The following SFRP1 variants were observed in gnomAD, a reference collection of about 807,000 sequenced individuals.
SFRP1 encodes secreted frizzled related protein 1.
SFRP1 carries 9 observed loss-of-function variants against 25.9 expected under a neutral mutation model. That is an observed-to-expected ratio of 0.35 (90% CI 0.21 to 0.61). The LOEUF (loss-of-function observed/expected upper bound fraction) is 0.61. Among genes scored for constraint, SFRP1 ranks in the 20% least tolerant of loss-of-function variants. SFRP1 has a pLI of 0.78. For missense variants in SFRP1, 346 were observed against 418.2 expected (o/e 0.83, Z 1.51); for synonymous variants, 178 against 174.0 (o/e 1.02, Z -0.18).
At position 41,309,429 on chromosome 8, in the gene SFRP1, C is replaced by T; in HGVS notation, c.-270G>A. 1 of 162,210 alleles carries T rather than the reference C, an allele frequency of 6.2e-6. No homozygotes were observed. The allele number at this position is 162,210 out of a possible 1,614,324, so 10.0% of individuals were successfully genotyped here. On this transcript the variant is annotated 5_prime_UTR_variant, in exon 1 of 3. Transcript: ENST00000220772. ...CGGCGAGCAGGAAGGCGCGGGGCGG[C>T]GGGCGCGCGGCACTGACTCCGGAGG...
At chr8:41,284,715 G>T (rs551503773) in intron 2 of SFRP1, among the ~76,000 whole-genome samples, 159 of 152,326 alleles carry the variant, frequency 1.0e-3, no homozygotes, top group Middle Eastern at 3.4e-3. Flanking sequence ...TAGGGGGAGG[G>T]GTCTCCCCTG....
intron 1 of SFRP1, chr8:41,306,685 T>G: frequency 8.8e-6 from 14 of 1,590,218 alleles, no homozygotes; most frequent in Non-Finnish European, 1.2e-5. Context: ...CACTTTTCTC[T>G]TTGCTCCTCA....
chr8:41,292,515 A>G (rs1803790663), intron 2 of SFRP1, among the ~76,000 whole-genome samples: 1 of 152,184 alleles, frequency 6.6e-6, no homozygotes, highest in African/African-American at 2.4e-5. Context: ...AGATCTCCCC[A>G]GCCATGTGGA....
intron 2 of SFRP1, among the ~76,000 whole-genome samples, chr8:41,277,569 C>T (rs1053515708): frequency 4.6e-5 from 7 of 152,182 alleles, no homozygotes; most frequent in African/African-American, 1.2e-4. Context: ...GGGCTCCACC[C>T]CTGGAGCTTC....
At chr8:41,266,500 A>G (rs1803437268) in intron 2 of SFRP1, among the ~76,000 whole-genome samples, 1 of 151,780 alleles carries the variant, frequency 6.6e-6, no homozygotes, top group Non-Finnish European at 1.5e-5. Context: ...CAGTGTCTCG[A>G]TCTCGGCTCA....
At chr8:41,290,128 C>A (rs1328834576) in intron 2 of SFRP1, among the ~76,000 whole-genome samples, 1 of 152,254 alleles carries the variant, frequency 6.6e-6, no homozygotes, top group Non-Finnish European at 1.5e-5. Context: ...CTGACCCATA[C>A]ACAGGCAAAC....
Position 41,265,120 on chromosome 8 carries a change from G to GCC in SFRP1, c.*46_*47insGG. ...GGGTTCCCGGGGCACTGTCCCCCCC[G>GCC]CTCCCACCCCACCCGAGGCTCCCTC... On this transcript the variant is annotated 3_prime_UTR_variant, in exon 3 of 3. Coordinates refer to ENST00000220772, the MANE Select transcript of SFRP1 (RefSeq NM_003012.5). 66 of 160,638 alleles carry GCC rather than the reference G, an allele frequency of 4.1e-4. 1 individual carries two copies. The highest frequency in any genetic ancestry group is 2.4e-3 in the South Asian group (15 of 6,282). The allele number at this position is 160,638 out of a possible 1,614,324, so 10.0% of individuals were successfully genotyped here.
At chr8:41,304,240 T>C (rs7829419) in intron 1 of SFRP1, among the ~76,000 whole-genome samples, 51,146 of 151,808 alleles carry the variant, frequency 0.34, 8,734 homozygotes, top group African/African-American at 0.36. Flanking sequence ...GTGCATAACG[T>C]TGGAAGGCAG....
chr8:41,265,889 C>A (rs982443194), intron 2 of SFRP1, among the ~76,000 whole-genome samples: 2 of 152,114 alleles, frequency 1.3e-5, no homozygotes, highest in African/African-American at 4.8e-5. Context: ...GCAGTTTTAT[C>A]CATAAAAACC....
At chr8:41,278,008 G>A (rs1471714997) in intron 2 of SFRP1, among the ~76,000 whole-genome samples, 2 of 152,186 alleles carry the variant, frequency 1.3e-5, no homozygotes, top group African/African-American at 4.8e-5. Flanking sequence ...TGAGGGTTGG[G>A]ACAGGGTGGG....
chr8:41,308,937 T>G lies in SFRP1; in HGVS notation c.223A>C (p.Lys75Gln), dbSNP rs1804033716. 2 of 1,613,332 alleles carry G rather than the reference T, an allele frequency of 1.2e-6. No individual in the cohort carries two copies. The highest frequency in any genetic ancestry group is 2.7e-5 in the African/African-American group (2 of 74,944). The part of the protein sequence containing the change: ...LRLCHNVGYK[K>Q]MVLPNLLEHE... ...TCCAGCAGGTTGGGCAGCACCATCT[T>G]CTTGTAGCCCACGTTGTGGCACAGC... Residue 75 changes from lysine to glutamine, a missense_variant, in exon 1 of 3, where the codon AAG (lysine) becomes CAG (glutamine). Coordinates refer to ENST00000220772, the MANE Select transcript of SFRP1 (RefSeq NM_003012.5).
At chr8:41,302,180 T>C (rs530002020) in intron 2 of SFRP1, among the ~76,000 whole-genome samples, 1 of 152,334 alleles carries the variant, frequency 6.6e-6, no homozygotes, top group East Asian at 1.9e-4. Flanking sequence ...AACAGACAAG[T>C]AACTCACACT....
chr8:41,296,156 C>T (rs2117511240), intron 2 of SFRP1, among the ~76,000 whole-genome samples: 1 of 152,334 alleles, frequency 6.6e-6, no homozygotes. Flanking sequence ...GGAGTGACAG[C>T]ACTAGTGGCA....
At chr8:41,280,381 A>G (rs1375976863) in intron 2 of SFRP1, among the ~76,000 whole-genome samples, 1 of 152,206 alleles carries the variant, frequency 6.6e-6, no homozygotes, top group African/African-American at 2.4e-5. Flanking sequence ...ACCCGGTCCT[A>G]TGTCAAAGCT....
intron 2 of SFRP1, chr8:41,276,859 C>A: frequency 2.2e-6 from 1 of 446,698 alleles, no homozygotes; most frequent in Non-Finnish European, 4.5e-6. Flanking sequence ...GTAGAGATTG[C>A]AACTTTGCAG....
At chr8:41,281,598 T>A (rs1437023696) in intron 2 of SFRP1, among the ~76,000 whole-genome samples, 1 of 152,226 alleles carries the variant, frequency 6.6e-6, no homozygotes, top group African/African-American at 2.4e-5. Flanking sequence ...TGTGAATGGA[T>A]GTGTACACAG....
intron 2 of SFRP1, among the ~76,000 whole-genome samples, chr8:41,290,715 C>T (rs1803765181): frequency 6.6e-6 from 1 of 151,982 alleles, no homozygotes; most frequent in Non-Finnish European, 1.5e-5. Flanking sequence ...CAACAGGCAC[C>T]ACCCTGAGCC....
chr8:41,268,355 C>A (rs1803461444), intron 2 of SFRP1, among the ~76,000 whole-genome samples: 1 of 152,218 alleles, frequency 6.6e-6, no homozygotes, highest in African/African-American at 2.4e-5. Context: ...ACCACTCTTT[C>A]CTGCCATACA....
intron 2 of SFRP1, among the ~76,000 whole-genome samples, chr8:41,290,955 A>T (rs1455770758): frequency 8.7e-6 from 1 of 114,338 alleles, no homozygotes; most frequent in African/African-American, 3.4e-5. Flanking sequence ...CACCCAGGCT[A>T]GAATGCAGTG....
Sources: allele counts gnomAD v4.1 joint callset (sites outside exome capture counted in the v4.1 genomes callset), GRCh38; gene constraint gnomAD v4.1.1; transcripts MANE v1.5; gene names NCBI Gene and HGNC (gene_info 2026-07-23, HGNC 2026-07-21).